Variants in RDH12 observed in about 807,000 individuals in gnomAD.
The protein encoded by RDH12 is all-trans and 9-cis retinol dehydrogenase.
Under a neutral mutation model 34.0 loss-of-function variants are expected in RDH12, and 21 were observed. The ratio of observed to expected loss-of-function variants is 0.62; its 90% CI spans 0.44 to 0.89. RDH12 has a LOEUF of 0.89. Among genes scored for constraint, RDH12 ranks in the 40% least tolerant of loss-of-function variants. The probability of loss-of-function intolerance (pLI) is 0.00; values close to 1 mark genes in which losing one functional copy is unlikely to be tolerated. For synonymous variants in RDH12, 198 were observed against 169.9 expected (o/e 1.17, Z -1.29); for missense variants, 394 against 398.6 (o/e 0.99, Z 0.10).
chr14:67,710,944 G>A (rs1160393664), intron 1 of RDH12, among the ~76,000 whole-genome samples: 1 of 151,860 alleles, frequency 6.6e-6, no homozygotes, highest in Admixed American at 6.6e-5. Flanking sequence ...TTAAAATTAT[G>A]GAACCACCAT....
chr14:67,729,421 A>G (rs1429910202), intron 8 of RDH12, 41 bp downstream of exon 8: 4 of 1,575,974 alleles, frequency 2.5e-6, no homozygotes, highest in Admixed American at 3.3e-5. Flanking sequence ...ACCTGTGTGC[A>G]TGGGAGGTGC....
chr14:67,703,339 C>G (rs2037920163), intron 1 of RDH12, among the ~76,000 whole-genome samples: 1 of 152,080 alleles, frequency 6.6e-6, no homozygotes, highest in African/African-American at 2.4e-5. Context: ...AATCTTTTAT[C>G]CTTTTATTCA....
chr14:67,731,997 G>C (rs560742306), intron 8 of RDH12, among the ~76,000 whole-genome samples: 2 of 151,446 alleles, frequency 1.3e-5, no homozygotes, highest in Non-Finnish European at 1.5e-5. Context: ...CATGTTGGTG[G>C]GTGCCTGTAA....
At chr14:67,708,942 G>A (rs777802044) in intron 1 of RDH12, among the ~76,000 whole-genome samples, 12 of 151,800 alleles carry the variant, frequency 7.9e-5, no homozygotes, top group African/African-American at 1.9e-4. Context: ...ACAGGCATGC[G>A]CCACCACACC....
chr14:67,729,741 A>G (rs756975049), intron 8 of RDH12: 8 of 508,986 alleles, frequency 1.6e-5, no homozygotes, highest in Admixed American at 1.1e-4. Context: ...TTAAATACCA[A>G]TTAGCACAAA....
At position 67,733,134 on chromosome 14, in the gene RDH12, A is replaced by T. The variant is rs367644059; in HGVS notation, c.849-612A>T. 8.1e-4 allele frequency among the ~76,000 whole-genome samples: 30 copies of T among 37,040 alleles called. No homozygotes were observed. The East Asian group carries it at 0.016, about 20-fold the overall frequency. 24.3% of individuals were successfully genotyped at this position (37,040 alleles called of 152,430 possible). A position where few individuals can be genotyped will look rare whatever the true frequency, so the allele number is the denominator to read the frequency against. On this transcript the variant is annotated intron_variant, in intron 8 of 8. Coordinates refer to ENST00000551171, the MANE Select transcript of RDH12 (RefSeq NM_152443.3). ...CTTAAAGTATAATAATAATAAAATT[A>T]AAAAAAACAAAAAAAAACATGATGA...
chr14:67,722,515 C>T lies in RDH12; in HGVS notation c.-128C>T. 1 of 817,886 alleles carries T rather than the reference C, an allele frequency of 1.2e-6. No individual in the cohort carries two copies. Among genetic ancestry groups the T allele is most frequent in the Non-Finnish European group, 2.2e-6 (1 of 455,052 alleles). The allele number at this position is 817,886 out of a possible 1,614,324, so 50.7% of individuals were successfully genotyped here. On this transcript the variant is annotated 5_prime_UTR_variant, in exon 3 of 9. Transcript: ENST00000551171. ...CAGAGTCAGGCTGCTGCTCAGCACC[C>T]AGGACGGAGAGGAGCAGAGAAGCAG...
At chr14:67,724,064 T>C (rs1344952770) in intron 3 of RDH12, among the ~76,000 whole-genome samples, 1 of 152,242 alleles carries the variant, frequency 6.6e-6, no homozygotes, top group Non-Finnish European at 1.5e-5. Context: ...TTACTCATGA[T>C]GATGGTTACT....
rs906651063 is a variant in RDH12 at position 67,729,455 on chromosome 14, T to G, written c.848+75T>G. On this transcript the variant is annotated intron_variant, in intron 8 of 8. Transcript: ENST00000551171. ...GCCGGACTCGCTGGGCTGTTCATCC[T>G]GAGAAGCTGAGTTTGTGCCTGATGA... is the stretch of plus-strand genomic sequence containing the variant. The G allele has an allele frequency of 2.8e-6, 4 of 1,431,152 alleles. No homozygotes were observed. In the African/African-American group the frequency reaches 4.2e-5, roughly 15 times the overall value. The allele number at this position is 1,431,152 out of a possible 1,614,324, so 88.7% of individuals were successfully genotyped here. A position where few individuals can be genotyped will look rare whatever the true frequency, so the allele number is the denominator to read the frequency against.
At chr14:67,706,433 G>C (rs1260303486) in intron 1 of RDH12, among the ~76,000 whole-genome samples, 1 of 152,170 alleles carries the variant, frequency 6.6e-6, no homozygotes, top group Non-Finnish European at 1.5e-5. Context: ...AAGGTGGTCA[G>C]AACACAGTTT....
intron 5 of RDH12, 67 bp from the exon 6 acceptor site, chr14:67,725,984 C>T (rs2038180486): frequency 1.9e-6 from 2 of 1,034,896 alleles, no homozygotes; most frequent in African/African-American, 1.6e-5. Context: ...GGCAATTATG[C>T]AGGTCTGTTA....
chr14:67,712,348 T>TTTG (rs1019925920), intron 1 of RDH12, among the ~76,000 whole-genome samples: 2 of 152,008 alleles, frequency 1.3e-5, no homozygotes, highest in East Asian at 3.9e-4. Context: ...ACTTAAAAAT[T>TTTG]TTGTTGTTGT....
At chr14:67,704,941 G>A (rs1594857874) in intron 1 of RDH12, among the ~76,000 whole-genome samples, 1 of 152,206 alleles carries the variant, frequency 6.6e-6, no homozygotes, top group Non-Finnish European at 1.5e-5. Flanking sequence ...GGAACACAAT[G>A]GATTTTGTGC....
intron 1 of RDH12, among the ~76,000 whole-genome samples, chr14:67,706,643 T>A (rs2037953381): frequency 6.6e-6 from 1 of 152,200 alleles, no homozygotes. Flanking sequence ...TTTATCTTAG[T>A]GAGCAGAGGG....
chr14:67,721,567 C>T (rs1003321277), intron 2 of RDH12, among the ~76,000 whole-genome samples: 8 of 152,032 alleles, frequency 5.3e-5, no homozygotes, highest in Admixed American at 2.6e-4. Flanking sequence ...ACATCACCCA[C>T]GTTCATCATC....
chr14:67,731,046 T>C (rs1006362156), intron 8 of RDH12, among the ~76,000 whole-genome samples: 1 of 152,188 alleles, frequency 6.6e-6, no homozygotes, highest in African/African-American at 2.4e-5. Flanking sequence ...TATTTGTGGG[T>C]TAAATAAAGT....
At chr14:67,725,390 G>C (rs2038173541) in intron 5 of RDH12, 136 bp downstream of exon 5, 2 of 913,818 alleles carry the variant, frequency 2.2e-6, no homozygotes, top group Non-Finnish European at 3.5e-6. Flanking sequence ...GAACCAGCAG[G>C]ACAGGGAATT....
At chr14:67,708,534 G>C (rs1240026457) in intron 1 of RDH12, among the ~76,000 whole-genome samples, 1 of 151,942 alleles carries the variant, frequency 6.6e-6, no homozygotes, top group Non-Finnish European at 1.5e-5. Context: ...AGAAACAATT[G>C]ACAAGGAAAT....
At chr14:67,721,688 C>T (rs934929369) in intron 2 of RDH12, among the ~76,000 whole-genome samples, 4 of 151,392 alleles carry the variant, frequency 2.6e-5, no homozygotes, top group Non-Finnish European at 4.4e-5. Context: ...TTAGCATATG[C>T]CAGTTTCGTT....
Sources: allele counts gnomAD v4.1 joint callset (sites outside exome capture counted in the v4.1 genomes callset), GRCh38; gene constraint gnomAD v4.1.1; transcripts MANE v1.5; gene names NCBI Gene and HGNC (gene_info 2026-07-23, HGNC 2026-07-21).